PARD3B: variants seen among roughly 807,000 people sequenced by gnomAD.
PARD3B encodes the protein partitioning defective 3 homolog B.
Under a neutral mutation model 130.2 loss-of-function variants are expected in PARD3B, and 103 were observed. The ratio of observed to expected loss-of-function variants is 0.79; its 90% CI spans 0.67 to 0.93. The LOEUF is 0.93. Among genes scored for constraint, PARD3B ranks in the 40% least tolerant of loss-of-function variants. PARD3B has a pLI of 0.00. For synonymous variants in PARD3B, 583 were observed against 553.2 expected (o/e 1.05, Z -0.76); for missense variants, 1,609 against 1,499.2 (o/e 1.07, Z -1.21).
At chr2:205,304,406 C>T (rs768550506) in intron 18 of PARD3B, among the ~76,000 whole-genome samples, 18 of 151,612 alleles carry the variant, frequency 1.2e-4, no homozygotes, top group African/African-American at 2.9e-4. Context: ...GAGGCCAAGA[C>T]GGGCGGATCA....
chr2:205,106,013 A>G (rs1222151785), intron 5 of PARD3B, among the ~76,000 whole-genome samples: 4 of 152,176 alleles, frequency 2.6e-5, no homozygotes, highest in East Asian at 1.9e-4. Context: ...TGCTATGTGA[A>G]TAGCATCATA....
At chr2:204,655,955 A>G (rs969248488) in intron 1 of PARD3B, among the ~76,000 whole-genome samples, 1 of 152,030 alleles carries the variant, frequency 6.6e-6, no homozygotes, top group African/African-American at 2.4e-5. Context: ...GCTGGTTTAG[A>G]ATAGATGCAG....
intron 3 of PARD3B, among the ~76,000 whole-genome samples, chr2:205,040,687 A>G (rs1269360539): frequency 6.6e-6 from 1 of 152,166 alleles, no homozygotes; most frequent in Non-Finnish European, 1.5e-5. Flanking sequence ...AACTTTAGCC[A>G]CTTGCAGTTT....
chr2:204,928,623 C>A (rs60306738), intron 2 of PARD3B, among the ~76,000 whole-genome samples: 1 of 151,986 alleles, frequency 6.6e-6, no homozygotes, highest in Non-Finnish European at 1.5e-5. Flanking sequence ...TCATCAAAGA[C>A]GTCTTGGTCA....
chr2:205,298,103 G>C (rs897081147), intron 16 of PARD3B, among the ~76,000 whole-genome samples: 1 of 152,136 alleles, frequency 6.6e-6, no homozygotes, highest in African/African-American at 2.4e-5. Context: ...AAACGTTGAC[G>C]TGAATGCTTA....
In PARD3B at chr2:205,409,473, C is replaced by T. The variant is rs574929921; in HGVS notation, c.2741+8350C>T. ...ACACCTATCTTCTCAGAAATGCTTGCGGTCACCAACAAAACTTGGCACATT... is the reference window on the plus strand; with the variant it reads ...ACACCTATCTTCTCAGAAATGCTTGTGGTCACCAACAAAACTTGGCACATT... On this transcript the variant is annotated intron_variant, in intron 19 of 22. Transcript: ENST00000406610. Among the ~76,000 whole-genome samples the T allele has an allele frequency of 1.3e-5, 2 of 152,170 alleles. 1 individual carries two copies. The highest frequency in any genetic ancestry group is 3.9e-4 in the East Asian group (2 of 5,184).
In PARD3B at chr2:205,128,234, A is replaced by G. The variant is rs2125639112; in HGVS notation, c.1434+2497A>G. On this transcript the variant is annotated intron_variant, in intron 10 of 22. Coordinates refer to ENST00000406610, the MANE Select transcript of PARD3B (RefSeq NM_001302769.2). This position sits in a 1 kb window ranked among gnomAD's most constrained non-coding sequence, Gnocchi z 4.5. ...TGAGCATGCAAAAGAATGCAACCAC[A>G]GAACTCCAACTAGGAACTTAAACCC... Among the ~76,000 whole-genome samples the G allele has an allele frequency of 6.6e-6, 1 of 152,370 alleles. No individual in the cohort carries two copies. The highest frequency in any genetic ancestry group is 2.1e-4 in the South Asian group (1 of 4,826).
At chr2:204,773,101 C>A (rs1413088913) in intron 2 of PARD3B, among the ~76,000 whole-genome samples, 2 of 151,822 alleles carry the variant, frequency 1.3e-5, no homozygotes, top group African/African-American at 2.4e-5. Flanking sequence ...TAACAATAAT[C>A]ATTTGAAGTA....
chr2:204,560,542 C>A lies in PARD3B; in HGVS notation c.120+14423C>A, dbSNP rs1226977992. Reference sequence around the variant, plus strand: ...GTTTGAAGGATGCATGGACAGTTGCCAGGGAAGTAGGAGTGGAAGATGGGG... The same window carrying A: ...GTTTGAAGGATGCATGGACAGTTGCAAGGGAAGTAGGAGTGGAAGATGGGG... On this transcript the variant is annotated intron_variant, in intron 1 of 22. Coordinates refer to ENST00000406610, the MANE Select transcript of PARD3B (RefSeq NM_001302769.2). Among the ~76,000 whole-genome samples, 10 of 146,750 alleles carry A rather than the reference C, an allele frequency of 6.8e-5. No homozygotes were observed. In the Admixed American group the frequency reaches 6.9e-4, roughly 10 times the overall value.
chr2:204,610,331 G>T lies in PARD3B; in HGVS notation c.120+64212G>T, dbSNP rs1559183418. Among the ~76,000 whole-genome samples the T allele has an allele frequency of 6.6e-6, 1 of 152,174 alleles. No individual in the cohort carries two copies. Among genetic ancestry groups the T allele is most frequent in the Non-Finnish European group, 1.5e-5 (1 of 68,030 alleles). On this transcript the variant is annotated intron_variant, in intron 1 of 22. Coordinates refer to ENST00000406610, the MANE Select transcript of PARD3B (RefSeq NM_001302769.2). This position sits in a 1 kb window ranked among gnomAD's most constrained non-coding sequence, Gnocchi z 4.1. ...GCAAATATTTACAATGATTTGTTAA[G>T]TAGTCTATCGGCATTATTCTGACTT... is the stretch of plus-strand genomic sequence containing the variant.
At chr2:205,318,264 A>G (rs532842830) in intron 18 of PARD3B, among the ~76,000 whole-genome samples, 16 of 152,304 alleles carry the variant, frequency 1.1e-4, no homozygotes, top group Admixed American at 9.2e-4. Context: ...TGGAATTTTC[A>G]AAGTATGGGA....
chr2:205,545,842 A>G (rs1477424116), intron 21 of PARD3B, among the ~76,000 whole-genome samples: 1 of 152,166 alleles, frequency 6.6e-6, no homozygotes, highest in Non-Finnish European at 1.5e-5. Context: ...AAAAGGCATT[A>G]TATCTTCTCC....
In PARD3B at chr2:204,901,019, T is replaced by C. The variant is rs556184593; in HGVS notation, c.223-64133T>C. 2.0e-4 allele frequency among the ~76,000 whole-genome samples: 30 copies of C among 151,732 alleles called. No homozygotes were observed. In the South Asian group the frequency reaches 6.2e-3, roughly 32 times the overall value. On this transcript the variant is annotated intron_variant, in intron 2 of 22. Transcript: ENST00000406610. ...AGCTTCCTGGAGCTGGGGGGAGGGG[T>C]GACACAAGGACCCTTGTGGCCATCA...
intron 2 of PARD3B, among the ~76,000 whole-genome samples, chr2:204,916,379 C>T (rs989406702): frequency 5.9e-5 from 9 of 152,084 alleles, no homozygotes; most frequent in South Asian, 2.1e-4. Flanking sequence ...TCATGTATAG[C>T]ATTTTGTGTT....
chr2:205,605,572 G>T (rs749693688), intron 22 of PARD3B, among the ~76,000 whole-genome samples: 26 of 152,228 alleles, frequency 1.7e-4, no homozygotes, highest in Non-Finnish European at 3.2e-4. Flanking sequence ...GCACCTGGAA[G>T]TATCACCAGT....
rs115338584 is a variant in PARD3B, at chr2:205,517,571, C to G, written c.3180+17540C>G. ...ATCTTGTGACTGGTTTTTCATGTCT[C>G]AATTTCCTTCATGTCAGCTCTGATT... On this transcript the variant is annotated intron_variant, in intron 21 of 22. Transcript: ENST00000406610. 1.8e-4 allele frequency among the ~76,000 whole-genome samples: 28 copies of G among 152,052 alleles called. No homozygotes were observed. The South Asian group carries it at 4.8e-3, about 26-fold the overall frequency.
rs554826944 is a variant in PARD3B at position 205,142,872 on chromosome 2, C to T, written c.1435-15850C>T. Reference sequence around the variant, plus strand: ...CAGCCTGGGTGACAGGATGAGACTTCGGTCTCAAAAAATAAATAAATAAAT... The same window carrying T: ...CAGCCTGGGTGACAGGATGAGACTTTGGTCTCAAAAAATAAATAAATAAAT... On this transcript the variant is annotated intron_variant, in intron 10 of 22. Coordinates refer to ENST00000406610, the MANE Select transcript of PARD3B (RefSeq NM_001302769.2). The surrounding 1 kb of genome is among the most constrained non-coding windows in gnomAD (Gnocchi z 4.3). Among the ~76,000 whole-genome samples the T allele has an allele frequency of 1.9e-4, 19 of 101,356 alleles. No homozygotes were observed. The highest frequency in any genetic ancestry group is 1.0e-3 in the Admixed American group (10 of 9,602). The allele number at this position is 101,356 out of a possible 152,430, so 66.5% of individuals were successfully genotyped here. A position where few individuals can be genotyped will look rare whatever the true frequency, so the allele number is the denominator to read the frequency against.
intron 18 of PARD3B, among the ~76,000 whole-genome samples, chr2:205,326,052 C>T (rs969755654): frequency 2.0e-5 from 3 of 151,960 alleles, no homozygotes; most frequent in African/African-American, 7.3e-5. Flanking sequence ...TATACTGTTA[C>T]CAGGGAAGGG....
intron 18 of PARD3B, among the ~76,000 whole-genome samples, chr2:205,311,013 T>C (rs952390554): frequency 2.0e-5 from 3 of 152,176 alleles, no homozygotes; most frequent in Non-Finnish European, 2.9e-5. Context: ...TGAGCCACCA[T>C]GCCCAGCTGG....
Sources: gnomAD v4.1 joint callset for allele counts (sites outside exome capture counted in the v4.1 genomes callset) on GRCh38, gnomAD v4.1.1 for gene constraint, Gnocchi (gnomAD v3.1) non-coding constraint, MANE v1.5 for transcripts, NCBI Gene and HGNC (gene_info 2026-07-23, HGNC 2026-07-21) for gene names.